The following AMPH variants were observed in gnomAD, a reference collection of about 807,000 sequenced individuals.
AMPH encodes the protein amphiphysin (Stiff-Mann syndrome with breast cancer 128kD autoantigen).
Under a neutral mutation model 99.1 loss-of-function variants are expected in AMPH, and 49 were observed. That is an observed-to-expected ratio of 0.49 (90% CI 0.39 to 0.63). The LOEUF (loss-of-function observed/expected upper bound fraction) is 0.63. Ranked by LOEUF, AMPH falls within the 20% of genes least tolerant of loss-of-function variation. AMPH has a pLI of 0.00. For missense variants in AMPH, 759 were observed against 863.4 expected (o/e 0.88, Z 1.52); for synonymous variants, 314 against 317.3 (o/e 0.99, Z 0.11).
At chr7:38,514,931 T>C (rs947243294) in intron 2 of AMPH, among the ~76,000 whole-genome samples, 5 of 152,066 alleles carry the variant, frequency 3.3e-5, no homozygotes, top group African/African-American at 1.2e-4. Context: ...ATGGAAGAGT[T>C]TGGAGCAGGC....
rs1183322600 is a variant in AMPH, at chr7:38,570,957, AAT to A, written c.70-35948_70-35947del. On this transcript the variant is annotated intron_variant, in intron 1 of 20. Transcript: ENST00000356264. Reference sequence around the variant, plus strand: ...TATATATATATATTTATATATATAGAATATATATATAGAATATATATATATTC... The same window carrying A: ...TATATATATATATTTATATATATAGAATATATATAGAATATATATATATTC... 2.2e-3 allele frequency among the ~76,000 whole-genome samples: 156 copies of A among 71,888 alleles called. 37 individuals are homozygous for A. Among genetic ancestry groups the A allele is most frequent in the Non-Finnish European group, 3.7e-3 (127 of 34,448 alleles). The allele number at this position is 71,888 out of a possible 152,430, so 47.2% of individuals were successfully genotyped here.
In AMPH at chr7:38,391,987, G is replaced by A. The variant is rs1380232465; in HGVS notation, c.1639C>T (p.Pro547Ser). Residue 547 changes from proline (P) to serine (S), a missense_variant, in exon 19 of 21, where the codon CCT becomes TCT. Around this residue, in one of 2 missense-constraint regions of AMPH, gnomAD observed 554 missense variants for 575.6 expected, o/e 0.96. Transcript: ENST00000356264. Reference sequence around the variant, plus strand: ...CCTTCCTCTTCATGGTTGGAGGCAGGCTCTATGACCACCGAAGGAATGACC... The same window carrying A: ...CCTTCCTCTTCATGGTTGGAGGCAGACTCTATGACCACCGAAGGAATGACC... ...EKVIPSVVIE[P>S]ASNHEEEGEN... 6.2e-7 allele frequency: 1 copy of A among 1,608,156 alleles called. No individual in the cohort carries two copies. The highest frequency in any genetic ancestry group is 1.7e-5 in the Admixed American group (1 of 60,014).
chr7:38,391,793 A>C lies in AMPH; in HGVS notation c.1833T>G (p.Ser611=), dbSNP rs1784502331. The part of the protein sequence containing the change: ...PAMGAADQLA[S]AREASQELPP... ...GCAATTCCTGAGAGGCCTCCCTTGC[A>C]GATGCTAGCTGGTCAGCAGCCCCCA... is the stretch of plus-strand genomic sequence containing the variant. The change falls in exon 19 of 21, where the codon TCT becomes TCG. Residue 611 remains serine, a synonymous_variant. Coordinates refer to ENST00000356264, the MANE Select transcript of AMPH (RefSeq NM_001635.4). The C allele has an allele frequency of 6.2e-7, 1 of 1,613,886 alleles. No individual in the cohort carries two copies. Among genetic ancestry groups the C allele is most frequent in the Admixed American group, 1.7e-5 (1 of 59,992 alleles).
chr7:38,499,420 A>G (rs1305670345), intron 3 of AMPH, among the ~76,000 whole-genome samples: 1 of 152,202 alleles, frequency 6.6e-6, no homozygotes, highest in Non-Finnish European at 1.5e-5. Flanking sequence ...CAATAAAATG[A>G]TTAGAATTCA....
chr7:38,491,041 G>T lies in AMPH; in HGVS notation c.396+9C>A. ...CAATCCTTCCCTTTATAGACACAGA[G>T]TAAAATACCTTTATGTCAGGAAATT... is the stretch of plus-strand genomic sequence containing the variant. On this transcript the variant is annotated intron_variant, in intron 5 of 20. Coordinates refer to ENST00000356264, the MANE Select transcript of AMPH (RefSeq NM_001635.4). 6.3e-7 allele frequency: 1 copy of T among 1,582,804 alleles called. No individual in the cohort carries two copies.
intron 12 of AMPH, among the ~76,000 whole-genome samples, chr7:38,432,823 G>T (rs986667458): frequency 4.6e-5 from 7 of 152,288 alleles, no homozygotes; most frequent in African/African-American, 1.4e-4. Flanking sequence ...ACTGCTCAAT[G>T]AATTGGTAAT....
chr7:38,450,501 GT>G (rs1405416724), intron 11 of AMPH, among the ~76,000 whole-genome samples: 1 of 152,148 alleles, frequency 6.6e-6, no homozygotes, highest in African/African-American at 2.4e-5. Context: ...CTGAGAGCCT[GT>G]ACCAGGACTG....
chr7:38,501,578 T>C (rs368399153), intron 3 of AMPH, among the ~76,000 whole-genome samples: 2 of 152,316 alleles, frequency 1.3e-5, no homozygotes, highest in South Asian at 2.1e-4. Flanking sequence ...GCCTGGACTA[T>C]AAAATTCATA....
intron 11 of AMPH, among the ~76,000 whole-genome samples, chr7:38,450,705 T>A (rs576318422): frequency 6.6e-6 from 1 of 152,246 alleles, no homozygotes; most frequent in South Asian, 2.1e-4. Context: ...GCATTTCACT[T>A]ATGGAAACCC....
At chr7:38,617,451 G>A (rs1793914653) in intron 1 of AMPH, among the ~76,000 whole-genome samples, 1 of 152,218 alleles carries the variant, frequency 6.6e-6, no homozygotes, top group Non-Finnish European at 1.5e-5. Flanking sequence ...TTAGAGATGT[G>A]TGACAAGGAA....
chr7:38,407,048 C>CTCTCTCTCTCTCTCTATATA (rs1241166935), intron 17 of AMPH, among the ~76,000 whole-genome samples: 1 of 31,260 alleles, frequency 3.2e-5, no homozygotes, highest in Non-Finnish European at 6.1e-5. Flanking sequence ...CTCTCTCTCT[C>CTCTCTCTCTCTCTCTATATA]TATATATATA....
At chr7:38,418,968 T>C (rs1250111699) in intron 16 of AMPH, among the ~76,000 whole-genome samples, 1 of 152,038 alleles carries the variant, frequency 6.6e-6, no homozygotes, top group African/African-American at 2.4e-5. Flanking sequence ...ATATTCCTTC[T>C]TTTTCCATTC....
chr7:38,574,469 T>C (rs1035437207), intron 1 of AMPH, among the ~76,000 whole-genome samples: 7 of 152,222 alleles, frequency 4.6e-5, no homozygotes, highest in African/African-American at 1.7e-4. Flanking sequence ...TATTGCTCCC[T>C]CATTAGGATT....
intron 5 of AMPH, among the ~76,000 whole-genome samples, chr7:38,484,448 C>T (rs372290841): frequency 9.2e-5 from 14 of 152,058 alleles, no homozygotes; most frequent in African/African-American, 2.2e-4. Context: ...CGTCAGATGA[C>T]GTATTTAAAG....
chr7:38,580,725 A>T (rs1792422137), intron 1 of AMPH, among the ~76,000 whole-genome samples: 1 of 152,046 alleles, frequency 6.6e-6, no homozygotes, highest in Non-Finnish European at 1.5e-5. Flanking sequence ...GGGTCTGAGA[A>T]GTCAGGAATA....
chr7:38,416,958 C>T (rs1308446523), intron 17 of AMPH, among the ~76,000 whole-genome samples: 1 of 152,210 alleles, frequency 6.6e-6, no homozygotes, highest in African/African-American at 2.4e-5. Flanking sequence ...TGAAGTAAGA[C>T]TCATTTCTCT....
intron 1 of AMPH, among the ~76,000 whole-genome samples, chr7:38,551,394 A>C (rs1438599937): frequency 6.6e-6 from 1 of 152,190 alleles, no homozygotes; most frequent in Non-Finnish European, 1.5e-5. Flanking sequence ...AATAGGAAGA[A>C]TAGTCAATGC....
chr7:38,426,061 T>C (rs554664308), intron 15 of AMPH, among the ~76,000 whole-genome samples: 1 of 152,368 alleles, frequency 6.6e-6, no homozygotes, highest in African/African-American at 2.4e-5. Context: ...AGTGGGTTTT[T>C]ATCTTTTTAC....
At chr7:38,401,282 G>T (rs73348840) in intron 17 of AMPH, among the ~76,000 whole-genome samples, 12,253 of 152,082 alleles carry the variant, frequency 0.081, 525 homozygotes, top group East Asian at 0.19. Context: ...AACATGTTTT[G>T]GGGGTTTCTG....
Sources: allele counts gnomAD v4.1 joint callset (sites outside exome capture counted in the v4.1 genomes callset), GRCh38; gene constraint gnomAD v4.1.1; regional missense constraint gnomAD v4.1.1; transcripts MANE v1.5; gene names NCBI Gene and HGNC (gene_info 2026-07-23, HGNC 2026-07-21).